The following CARF variants were observed in gnomAD, a reference collection of about 807,000 sequenced individuals.
The protein encoded by CARF is calcium responsive transcription factor.
A neutral mutation model predicts 82.0 loss-of-function variants in CARF; 57 were observed. The ratio of observed to expected loss-of-function variants is 0.70; its 90% CI spans 0.56 to 0.87. The LOEUF (loss-of-function observed/expected upper bound fraction) is 0.87, where lower values mean the gene tolerates loss of function less well. Among genes scored for constraint, CARF ranks in the 40% least tolerant of loss-of-function variants. The pLI, the probability that CARF is intolerant of heterozygous loss-of-function variation, is 0.00. For synonymous variants in CARF, 268 were observed against 290.1 expected (o/e 0.92, Z 0.77); for missense variants, 771 against 855.8 (o/e 0.90, Z 1.24).
At chr2:202,936,841 C>T (rs1694024121) in intron 3 of CARF, among the ~76,000 whole-genome samples, 1 of 152,086 alleles carries the variant, frequency 6.6e-6, no homozygotes, top group Non-Finnish European at 1.5e-5. Context: ...TTTTACTTGT[C>T]CTATTGGTGC....
At chr2:202,972,887 A>G (rs2105918044) in intron 12 of CARF, among the ~76,000 whole-genome samples, 1 of 152,254 alleles carries the variant, frequency 6.6e-6, no homozygotes, top group African/African-American at 2.4e-5. Flanking sequence ...AAGGAAATAC[A>G]GCAGGTCCTT....
intron 9 of CARF, among the ~76,000 whole-genome samples, chr2:202,965,523 C>A (rs1574726116): frequency 6.6e-6 from 1 of 151,918 alleles, no homozygotes; most frequent in East Asian, 1.9e-4. Flanking sequence ...CTATTCATAG[C>A]CTTTGCACAT....
At chr2:202,949,020 A>T (rs541513009) in intron 5 of CARF, among the ~76,000 whole-genome samples, 1 of 151,994 alleles carries the variant, frequency 6.6e-6, no homozygotes, top group Non-Finnish European at 1.5e-5. Context: ...AATTTATTTT[A>T]ATTAAATAAT....
At chr2:202,938,800 A>G (rs2058077276) in intron 3 of CARF, among the ~76,000 whole-genome samples, 3 of 151,888 alleles carry the variant, frequency 2.0e-5, no homozygotes, top group Non-Finnish European at 2.9e-5. Flanking sequence ...GGCTGATCTC[A>G]AACTTGTGGG....
chr2:202,960,172 A>C (rs570646784), intron 8 of CARF, among the ~76,000 whole-genome samples: 1 of 152,330 alleles, frequency 6.6e-6, no homozygotes, highest in African/African-American at 2.4e-5. Flanking sequence ...TTTAAAAATT[A>C]TGCTAATTTC....
At chr2:202,932,476 AGGGGAACGGAG>A (rs1693116594) in intron 3 of CARF, among the ~76,000 whole-genome samples, 1 of 152,038 alleles carries the variant, frequency 6.6e-6, no homozygotes, top group African/African-American at 2.4e-5. Flanking sequence ...GCCCAAGCCT[AGGGGAACGGAG>A]GGGGTACCCT....
chr2:202,941,021 CCTT>C (rs1218550480), intron 3 of CARF, among the ~76,000 whole-genome samples: 3 of 151,726 alleles, frequency 2.0e-5, no homozygotes, highest in Non-Finnish European at 2.9e-5. Context: ...TTTTGAAACT[CCTT>C]CTAAATAATT....
intron 10 of CARF, 62 bp from the exon 11 acceptor site, chr2:202,969,857 T>A: frequency 9.2e-7 from 1 of 1,083,010 alleles, no homozygotes; most frequent in Non-Finnish European, 1.3e-6. Flanking sequence ...TTCTGGTTGA[T>A]AAGATAGATT....
At chr2:202,980,249 C>G (rs2060193530) in intron 14 of CARF, among the ~76,000 whole-genome samples, 1 of 152,190 alleles carries the variant, frequency 6.6e-6, no homozygotes, top group East Asian at 1.9e-4. Context: ...TGAGCCACTT[C>G]GCCTGGCCGA....
At position 202,971,403 on chromosome 2, in the gene CARF, A is replaced by G. The variant is rs894906888; in HGVS notation, c.1098-102A>G. On this transcript the variant is annotated intron_variant, in intron 11 of 16. Transcript: ENST00000438828. ...TCTTAAAGGATTAATCCTTTCCTTT[A>G]TGAGTATTAACCTAAGTAATTATGA... is the stretch of plus-strand genomic sequence containing the variant. 58 of 577,876 alleles carry G rather than the reference A, an allele frequency of 1.0e-4. 1 individual carries two copies. In the Middle Eastern group the frequency reaches 1.3e-3, roughly 13 times the overall value. 35.8% of individuals were successfully genotyped at this position (577,876 alleles called of 1,614,324 possible).
intron 9 of CARF, among the ~76,000 whole-genome samples, chr2:202,964,860 T>C (rs180748624): frequency 9.3e-4 from 106 of 113,900 alleles, no homozygotes; most frequent in African/African-American, 2.9e-3. Context: ...AAGGACTCCT[T>C]ATATATATAT....
chr2:202,943,092 A>G (rs2058311323), intron 5 of CARF, 125 bp downstream of exon 5: 2 of 763,098 alleles, frequency 2.6e-6, no homozygotes, highest in Non-Finnish European at 4.1e-6. Context: ...TATTTTTGAG[A>G]TGGAGTTCCA....
chr2:202,975,730 T>A (rs1014922819), intron 13 of CARF, among the ~76,000 whole-genome samples: 5 of 152,198 alleles, frequency 3.3e-5, no homozygotes, highest in African/African-American at 1.2e-4. Flanking sequence ...CTCCCTTTTT[T>A]AATAAATGGG....
At chr2:202,981,921 C>A in intron 15 of CARF, 151 bp from the exon 16 acceptor site, 1 of 992,032 alleles carries the variant, frequency 1.0e-6, no homozygotes. Flanking sequence ...CTACTTTTCC[C>A]TTGATTCTTG....
chr2:202,912,899 T>C lies in CARF; in HGVS notation c.-533T>C, dbSNP rs1314237977. 1 of 152,254 alleles carries C rather than the reference T, an allele frequency of 6.6e-6. No individual in the cohort carries two copies. Among genetic ancestry groups the C allele is most frequent in the Non-Finnish European group, 1.5e-5 (1 of 68,070 alleles). 9.4% of individuals were successfully genotyped at this position (152,254 alleles called of 1,614,324 possible). On this transcript the variant is annotated 5_prime_UTR_variant, in exon 1 of 17. Transcript: ENST00000438828. ...CTCCCACACCTTCTCCCCGACTTTT[T>C]GCCTTTTTTGTCTTGAAGTTACCCA...
At chr2:202,955,251 T>C (rs1387892740) in intron 7 of CARF, among the ~76,000 whole-genome samples, 2 of 152,208 alleles carry the variant, frequency 1.3e-5, no homozygotes, top group Non-Finnish European at 2.9e-5. Context: ...AAGACATTAT[T>C]TTTGACATTT....
intron 1 of CARF, among the ~76,000 whole-genome samples, chr2:202,914,469 C>G (rs933247892): frequency 9.9e-5 from 15 of 151,998 alleles, no homozygotes. Flanking sequence ...GAAGATCTAC[C>G]TCAGAGTCAT....
At chr2:202,923,016 C>A (rs555605062) in intron 2 of CARF, among the ~76,000 whole-genome samples, 1 of 151,896 alleles carries the variant, frequency 6.6e-6, no homozygotes, top group East Asian at 1.9e-4. Flanking sequence ...CTGAGGTGGG[C>A]GGATCACCTG....
At chr2:202,955,637 G>T in intron 7 of CARF, 37 bp from the exon 8 acceptor site, 2 of 1,466,154 alleles carry the variant, frequency 1.4e-6, no homozygotes, top group South Asian at 2.5e-5. Flanking sequence ...TGTGTTCATT[G>T]AACTGCATAT....
Sources: gnomAD v4.1 joint callset for allele counts (sites outside exome capture counted in the v4.1 genomes callset) on GRCh38, gnomAD v4.1.1 for gene constraint, MANE v1.5 for transcripts, NCBI Gene and HGNC (gene_info 2026-07-23, HGNC 2026-07-21) for gene names.